The following RARB variants were observed in gnomAD, a reference collection of about 807,000 sequenced individuals.
The protein encoded by RARB is retinoic acid receptor beta.
In RARB, 17 loss-of-function variants were observed where a neutral mutation model predicts 51.9. That is an observed-to-expected ratio of 0.33 (90% CI 0.22 to 0.49). The LOEUF (loss-of-function observed/expected upper bound fraction) is 0.49, where lower values mean the gene tolerates loss of function less well. Ranked by LOEUF, RARB falls within the 20% of genes least tolerant of loss-of-function variation. The pLI, the probability that RARB is intolerant of heterozygous loss-of-function variation, is 0.99. For missense variants in RARB, 369 were observed against 550.8 expected, an observed-to-expected ratio of 0.67 and a Z score of 3.30; for synonymous variants, 215 against 195.4, an observed-to-expected ratio of 1.10 and a Z score of -0.84.
intron 2 of RARB, among the ~76,000 whole-genome samples, chr3:24,978,227 T>C (rs1461544651): frequency 6.6e-6 from 1 of 152,160 alleles, no homozygotes; most frequent in Non-Finnish European, 1.5e-5. Context: ...TTTGTTGTTG[T>C]GTCTCTGCCA....
At chr3:24,980,815 G>T (rs1210699291) in intron 2 of RARB, among the ~76,000 whole-genome samples, 3 of 152,168 alleles carry the variant, frequency 2.0e-5, no homozygotes, top group African/African-American at 7.2e-5. Context: ...TGCTGGAGAG[G>T]AGTTGTGTTC....
chr3:25,350,029 T>C (rs1575332475), intron 5 of RARB, among the ~76,000 whole-genome samples: 1 of 152,154 alleles, frequency 6.6e-6, no homozygotes, highest in Admixed American at 6.6e-5. Flanking sequence ...TCACAGCAGG[T>C]TGGTCTCGGG....
chr3:25,532,437 A>T (rs184541747), intron 3 of RARB, among the ~76,000 whole-genome samples: 2 of 152,348 alleles, frequency 1.3e-5, no homozygotes, highest in East Asian at 3.9e-4. Flanking sequence ...AAGCTGTTAA[A>T]AAACAAATAG....
chr3:25,195,773 T>A (rs1477912406), intron 5 of RARB, among the ~76,000 whole-genome samples: 1 of 152,068 alleles, frequency 6.6e-6, no homozygotes, highest in African/African-American at 2.4e-5. Flanking sequence ...AGAAATTTTG[T>A]GAAGCTAATC....
At chr3:25,442,138 T>G (rs764697522) in intron 1 of RARB, among the ~76,000 whole-genome samples, 4 of 151,400 alleles carry the variant, frequency 2.6e-5, no homozygotes, top group Non-Finnish European at 5.9e-5. Context: ...ATTTATTTAT[T>G]TATTTATTTA....
intron 3 of RARB, among the ~76,000 whole-genome samples, chr3:25,093,919 G>C (rs1202588486): frequency 6.6e-6 from 1 of 152,094 alleles, no homozygotes; most frequent in African/African-American, 2.4e-5. Context: ...AATTTTCAGG[G>C]AGACTGATTT....
At chr3:25,003,352 G>A (rs1017854838) in intron 2 of RARB, among the ~76,000 whole-genome samples, 11 of 152,070 alleles carry the variant, frequency 7.2e-5, no homozygotes, top group African/African-American at 2.2e-4. Context: ...GACCTGGACC[G>A]AATGCAAGTT....
chr3:25,095,681 G>A (rs1699280798), intron 3 of RARB, among the ~76,000 whole-genome samples: 2 of 152,106 alleles, frequency 1.3e-5, no homozygotes, highest in Admixed American at 1.3e-4. Flanking sequence ...AGAATAAAAA[G>A]CTGAGGGAGG....
At chr3:24,988,719 C>T (rs554554178) in intron 2 of RARB, among the ~76,000 whole-genome samples, 18 of 152,292 alleles carry the variant, frequency 1.2e-4, no homozygotes, top group Admixed American at 3.3e-4. Context: ...TATTGTTAGA[C>T]ATAGGTCTAA....
intron 2 of RARB, among the ~76,000 whole-genome samples, chr3:24,998,717 C>G (rs1048441728): frequency 6.6e-6 from 1 of 151,892 alleles, no homozygotes; most frequent in Non-Finnish European, 1.5e-5. Flanking sequence ...TTCCTTTTTT[C>G]TTTCTCAGAA....
At chr3:25,059,932 G>A (rs1037059879) in intron 2 of RARB, among the ~76,000 whole-genome samples, 6 of 151,774 alleles carry the variant, frequency 4.0e-5, no homozygotes, top group African/African-American at 1.5e-4. Context: ...TGAGTTGTCG[G>A]TGAAAATGAC....
chr3:25,219,720 T>A (rs1701905222), intron 5 of RARB, among the ~76,000 whole-genome samples: 2 of 152,192 alleles, frequency 1.3e-5, no homozygotes, highest in South Asian at 4.1e-4. Context: ...AGTTGGATCA[T>A]GAACCACAAC....
intron 2 of RARB, among the ~76,000 whole-genome samples, chr3:24,922,773 C>G (rs1014642636): frequency 3.9e-5 from 6 of 152,114 alleles, no homozygotes; most frequent in Non-Finnish European, 1.5e-5. Context: ...AATAGAAAGA[C>G]TAAGTGTCCA....
chr3:25,353,598 T>TG (rs1705642891), intron 5 of RARB, among the ~76,000 whole-genome samples: 1 of 136,486 alleles, frequency 7.3e-6, no homozygotes, highest in African/African-American at 2.7e-5. Flanking sequence ...TTTTTTTTTT[T>TG]GTCTTACCCC....
chr3:25,526,049 C>A (rs915422461), intron 3 of RARB, among the ~76,000 whole-genome samples: 7 of 152,128 alleles, frequency 4.6e-5, no homozygotes, highest in African/African-American at 1.7e-4. Context: ...AATTAACAAT[C>A]AAGCTGTGAT....
rs188246760 is a variant in RARB, at chr3:24,856,861, C to T, written c.-458-1813C>T. Among the ~76,000 whole-genome samples, 5 of 152,256 alleles carry T rather than the reference C, an allele frequency of 3.3e-5. No individual in the cohort carries two copies. The East Asian group carries it at 9.7e-4, about 29-fold the overall frequency. ...TCGAAAAAGCAATTGGATTAAGTTG[C>T]TTGAATCTGTCTCCTCTTTTCACAT... On this transcript the variant is annotated intron_variant, in intron 1 of 11. Coordinates refer to the RARB transcript ENST00000383772.
At chr3:25,406,617 C>G (rs1707416211) in intron 5 of RARB, among the ~76,000 whole-genome samples, 1 of 152,240 alleles carries the variant, frequency 6.6e-6, no homozygotes, top group Admixed American at 6.5e-5. Context: ...CATTTTAATT[C>G]AATCACTTCT....
intron 2 of RARB, among the ~76,000 whole-genome samples, chr3:24,902,665 CTCTT>C (rs140607256): frequency 0.013 from 1,992 of 152,236 alleles, 40 homozygotes; most frequent in African/African-American, 0.044. Flanking sequence ...GTCTCTGTCT[CTCTT>C]TCTGTTTCTC....
At chr3:25,120,200 A>G (rs2125328910) in intron 3 of RARB, among the ~76,000 whole-genome samples, 1 of 152,282 alleles carries the variant, frequency 6.6e-6, no homozygotes, top group South Asian at 2.1e-4. Context: ...GGTAACATCA[A>G]GAGGCTGGCA....
Sources: allele counts gnomAD v4.1 joint callset (sites outside exome capture counted in the v4.1 genomes callset), GRCh38; gene constraint gnomAD v4.1.1; transcripts MANE v1.5; gene names NCBI Gene and HGNC (gene_info 2026-07-23, HGNC 2026-07-21).